The following CADM1 variants were observed in gnomAD, a reference collection of about 807,000 sequenced individuals.
CADM1 encodes TSLC-1.
A neutral mutation model predicts 53.1 loss-of-function variants in CADM1; 15 were observed. The ratio of observed to expected loss-of-function variants is 0.28; its 90% confidence interval spans 0.19 to 0.44. The LOEUF (loss-of-function observed/expected upper bound fraction) is 0.44, where lower values mean the gene tolerates loss of function less well. Among genes scored for constraint, CADM1 ranks in the 20% least tolerant of loss-of-function variants. CADM1 has a pLI of 1.00. For missense variants in CADM1, 434 were observed against 611.3 expected (o/e 0.71, Z 3.06); for synonymous variants, 281 against 243.0 (o/e 1.16, Z -1.45).
chr11:115,293,660 T>C (rs945444330), intron 1 of CADM1, among the ~76,000 whole-genome samples: 11 of 152,220 alleles, frequency 7.2e-5, no homozygotes, highest in Non-Finnish European at 1.5e-4. Flanking sequence ...TATTATTGAA[T>C]GAGACAACCA....
At position 115,398,225 on chromosome 11, in the gene CADM1, C is replaced by T. The variant is rs1480922684; in HGVS notation, c.124+106046G>A. 2.0e-5 allele frequency among the ~76,000 whole-genome samples: 3 copies of T among 152,276 alleles called. No individual in the cohort carries two copies. The South Asian group carries it at 6.2e-4, about 32-fold the overall frequency. On this transcript the variant is annotated intron_variant, in intron 1 of 11. Transcript: ENST00000331581. Reference sequence around the variant, plus strand: ...TCCAAATTAACTGGTCGTGAATAGGCTCTGATTAAAATATAAAAGGCTTTT... The same window carrying T: ...TCCAAATTAACTGGTCGTGAATAGGTTCTGATTAAAATATAAAAGGCTTTT...
intron 1 of CADM1, among the ~76,000 whole-genome samples, chr11:115,484,108 A>G (rs941052869): frequency 2.6e-5 from 4 of 152,224 alleles, no homozygotes; most frequent in African/African-American, 9.6e-5. Context: ...AATGCAGACT[A>G]CAACTCAGCA....
chr11:115,295,515 T>C (rs1321492264), intron 1 of CADM1, among the ~76,000 whole-genome samples: 2 of 48,066 alleles, frequency 4.2e-5, no homozygotes, highest in African/African-American at 2.5e-4. Context: ...TTTATATATA[T>C]ATATATATAT....
intron 1 of CADM1, among the ~76,000 whole-genome samples, chr11:115,423,615 C>T (rs1947816086): frequency 6.6e-6 from 1 of 152,050 alleles, no homozygotes; most frequent in African/African-American, 2.4e-5. Context: ...CATCATAGTT[C>T]TTATTTTATC....
chr11:115,458,382 G>A (rs1486438887), intron 1 of CADM1, among the ~76,000 whole-genome samples: 1 of 151,822 alleles, frequency 6.6e-6, no homozygotes, highest in Non-Finnish European at 1.5e-5. Context: ...AGTAAAATGA[G>A]GATAATAGTA....
chr11:115,179,784 C>G (rs924885033), intron 10 of CADM1, among the ~76,000 whole-genome samples: 1 of 152,008 alleles, frequency 6.6e-6, no homozygotes, highest in African/African-American at 2.4e-5. Context: ...CTGTACCTTA[C>G]AATTTAAGCA....
intron 1 of CADM1, among the ~76,000 whole-genome samples, chr11:115,433,277 G>A (rs1026272606): frequency 4.6e-5 from 7 of 152,160 alleles, no homozygotes; most frequent in African/African-American, 1.7e-4. Context: ...CATACAAAAT[G>A]CATTAGGAAA....
At chr11:115,381,468 A>G (rs549435876) in intron 1 of CADM1, among the ~76,000 whole-genome samples, 1 of 152,192 alleles carries the variant, frequency 6.6e-6, no homozygotes, top group East Asian at 1.9e-4. Flanking sequence ...AATCACTGAG[A>G]GTCCACAACA....
At chr11:115,479,120 T>G (rs1949202374) in intron 1 of CADM1, among the ~76,000 whole-genome samples, 2 of 152,158 alleles carry the variant, frequency 1.3e-5, no homozygotes, top group Non-Finnish European at 2.9e-5. Context: ...ATAAATCATC[T>G]AGAAGTGGCA....
At chr11:115,449,966 A>G (rs1948535907) in intron 1 of CADM1, among the ~76,000 whole-genome samples, 2 of 151,690 alleles carry the variant, frequency 1.3e-5, no homozygotes, top group Admixed American at 6.6e-5. Context: ...AGAAAAACAA[A>G]CCTGGCCATT....
chr11:115,423,113 G>A (rs1172560572), intron 1 of CADM1, among the ~76,000 whole-genome samples: 2 of 151,792 alleles, frequency 1.3e-5, no homozygotes, highest in Non-Finnish European at 2.9e-5. Flanking sequence ...AAATTTAAAT[G>A]AGTTTTGATT....
At chr11:115,437,506 TC>T (rs1476569894) in intron 1 of CADM1, among the ~76,000 whole-genome samples, 3 of 152,212 alleles carry the variant, frequency 2.0e-5, no homozygotes, top group Non-Finnish European at 2.9e-5. Flanking sequence ...GAAGACATTT[TC>T]TCACTATGGC....
At chr11:115,279,056 G>A (rs1339358881) in intron 1 of CADM1, among the ~76,000 whole-genome samples, 1 of 152,070 alleles carries the variant, frequency 6.6e-6, no homozygotes, top group African/African-American at 2.4e-5. Context: ...GCAGATTTGG[G>A]AATCACCCAA....
rs558306799 is a variant in CADM1 at position 115,499,080 on chromosome 11, G to A, written c.124+5191C>T. 2.0e-4 allele frequency among the ~76,000 whole-genome samples: 31 copies of A among 151,886 alleles called. 1 individual carries two copies. Among genetic ancestry groups the A allele is most frequent in the Middle Eastern group, 3.4e-3 (1 of 294 alleles). ...AATGTAAAAAAAAAAGTCATCCTTC[G>A]AAAATAAAACTTTTTTTTCTTTAAA... is the stretch of plus-strand genomic sequence containing the variant. On this transcript the variant is annotated intron_variant, in intron 1 of 11. Transcript: ENST00000331581.
At chr11:115,284,658 C>T (rs1368329188) in intron 1 of CADM1, among the ~76,000 whole-genome samples, 3 of 152,092 alleles carry the variant, frequency 2.0e-5, no homozygotes, top group African/African-American at 7.2e-5. Context: ...ACCACTACAA[C>T]CACCCCAGTC....
intron 10 of CADM1, among the ~76,000 whole-genome samples, chr11:115,187,367 C>T (rs1183567981): frequency 6.6e-6 from 1 of 152,186 alleles, no homozygotes; most frequent in African/African-American, 2.4e-5. Flanking sequence ...ATCCCCACCT[C>T]CGGGACTGAT....
intron 1 of CADM1, among the ~76,000 whole-genome samples, chr11:115,282,204 A>G (rs1943605069): frequency 6.6e-6 from 1 of 152,174 alleles, no homozygotes; most frequent in Non-Finnish European, 1.5e-5. Flanking sequence ...CAGTAATCCT[A>G]TGGGATAGGT....
chr11:115,253,978 G>A (rs1942692200), intron 1 of CADM1, among the ~76,000 whole-genome samples: 1 of 152,270 alleles, frequency 6.6e-6, no homozygotes, highest in South Asian at 2.1e-4. Flanking sequence ...TAAGCCTCAG[G>A]ATTCTCACAC....
intron 1 of CADM1, among the ~76,000 whole-genome samples, chr11:115,444,628 T>C (rs759742480): frequency 3.9e-5 from 6 of 152,232 alleles, no homozygotes; most frequent in Non-Finnish European, 7.3e-5. Flanking sequence ...CTGTTCTGTA[T>C]GTCCACACGA....
Sources: gnomAD v4.1 joint callset for allele counts (sites outside exome capture counted in the v4.1 genomes callset) on GRCh38, gnomAD v4.1.1 for gene constraint, MANE v1.5 for transcripts, NCBI Gene and HGNC (gene_info 2026-07-23, HGNC 2026-07-21) for gene names.